Variants in TBCK observed in about 807,000 individuals in gnomAD.
TBCK encodes TBC1 domain containing kinase, also known as TBC domain-containing protein kinase-like protein.
Under a neutral mutation model 113.4 loss-of-function variants are expected in TBCK, and 99 were observed. The observed-to-expected ratio is 0.87, with a 90% CI of 0.74 to 1.03. The LOEUF is 1.03. Ranked by LOEUF, TBCK falls within the 50% of genes least tolerant of loss-of-function variation. The pLI, the probability that TBCK is intolerant of heterozygous loss-of-function variation, is 0.00. For missense variants in TBCK, 1,045 were observed against 1,061.3 expected, an observed-to-expected ratio of 0.98 and a Z score of 0.21; for synonymous variants, 369 against 370.8, an observed-to-expected ratio of 1.00 and a Z score of 0.05.
chr4:106,241,134 A>G (rs1368260407), intron 12 of TBCK, among the ~76,000 whole-genome samples: 1 of 151,898 alleles, frequency 6.6e-6, no homozygotes, highest in Non-Finnish European at 1.5e-5. Flanking sequence ...GGAAAAAATC[A>G]TACTCATACT....
chr4:106,306,280 T>C lies in TBCK; in HGVS notation c.193+2488A>G, dbSNP rs10020925. On this transcript the variant is annotated intron_variant, in intron 2 of 25. Transcript: ENST00000394708. ...TTTTTTTTTTGGTAGAGACAGAATC[T>C]TATTACATTGCCCAAGCTGGTCTCA... is the stretch of plus-strand genomic sequence containing the variant. Among the ~76,000 whole-genome samples the C allele has an allele frequency of 3.3e-3, 489 of 146,014 alleles. 3 individuals are homozygous for C. The highest frequency in any genetic ancestry group is 0.012 in the African/African-American group (463 of 39,580).
chr4:106,051,351 T>C (rs761018994), intron 25 of TBCK, among the ~76,000 whole-genome samples: 2 of 151,850 alleles, frequency 1.3e-5, no homozygotes, highest in Non-Finnish European at 2.9e-5. Context: ...GACTGGACAA[T>C]TGGCATGGAC....
At chr4:106,203,784 A>T (rs1249976709) in intron 20 of TBCK, among the ~76,000 whole-genome samples, 1 of 152,100 alleles carries the variant, frequency 6.6e-6, no homozygotes, top group Non-Finnish European at 1.5e-5. Flanking sequence ...AAAATTTTCA[A>T]ACATAATTCA....
intron 20 of TBCK, among the ~76,000 whole-genome samples, chr4:106,209,029 G>C (rs1055469785): frequency 9.2e-5 from 14 of 152,288 alleles, no homozygotes; most frequent in African/African-American, 2.9e-4. Flanking sequence ...TACCTAGTGG[G>C]GCAAGCCCAG....
chr4:106,122,752 T>C (rs1479396885), intron 23 of TBCK, among the ~76,000 whole-genome samples: 5 of 152,104 alleles, frequency 3.3e-5, no homozygotes, highest in Admixed American at 6.5e-5. Flanking sequence ...ATCCAGCATA[T>C]AAACAGAGCC....
intron 25 of TBCK, among the ~76,000 whole-genome samples, chr4:106,055,973 G>A (rs1735336342): frequency 6.6e-6 from 1 of 150,788 alleles, no homozygotes; most frequent in Admixed American, 6.6e-5. Context: ...TGATAATTAT[G>A]GAAAATGAAG....
intron 25 of TBCK, among the ~76,000 whole-genome samples, chr4:106,048,523 T>G (rs1377623804): frequency 6.6e-6 from 1 of 152,100 alleles, no homozygotes. Flanking sequence ...CCCCAGTCCT[T>G]AAGAAAGCAA....
rs1260458074 is a variant in TBCK at position 106,163,765 on chromosome 4, T to C, written c.2235+7330A>G. ...CCTATTATTCAATTACTCCACCTGG[T>C]CCTGTCCTTGACACATGGGAATTAC... On this transcript the variant is annotated intron_variant, in intron 23 of 25. Transcript: ENST00000394708. 10 of 152,212 alleles carry C rather than the reference T, an allele frequency of 6.6e-5. No individual in the cohort carries two copies. The East Asian group carries it at 1.9e-3, about 30-fold the overall frequency. 9.4% of individuals were successfully genotyped at this position (152,212 alleles called of 1,614,324 possible).
chr4:106,295,044 T>C (rs1344501475), intron 3 of TBCK, 50 bp downstream of exon 3: 5 of 1,491,718 alleles, frequency 3.4e-6, no homozygotes, highest in Non-Finnish European at 3.7e-6. Context: ...AATGCCTTTT[T>C]GTTTGCCAAG....
intron 20 of TBCK, among the ~76,000 whole-genome samples, chr4:106,206,158 T>C (rs559705685): frequency 6.6e-6 from 1 of 152,324 alleles, no homozygotes; most frequent in South Asian, 2.1e-4. Flanking sequence ...CAAAATGTTT[T>C]AGAACTGCTC....
At chr4:106,189,619 A>G (rs1753435380) in intron 22 of TBCK, among the ~76,000 whole-genome samples, 1 of 152,148 alleles carries the variant, frequency 6.6e-6, no homozygotes, top group South Asian at 2.1e-4. Context: ...TGCTTCACTC[A>G]TGATAGATCA....
At position 106,124,460 on chromosome 4, in the gene TBCK, A is replaced by C. The variant is rs112312370; in HGVS notation, c.2236-8082T>G. On this transcript the variant is annotated intron_variant, in intron 23 of 25. Transcript: ENST00000394708. ...CAGTGTGGCGATTCCTCAGGGATCTAGAACTAGAAATACCATTTGACCCAG... is the reference window on the plus strand; with the variant it reads ...CAGTGTGGCGATTCCTCAGGGATCTCGAACTAGAAATACCATTTGACCCAG... Among the ~76,000 whole-genome samples the C allele has an allele frequency of 9.7e-3, 1,472 of 152,320 alleles. 12 individuals are homozygous for C. The highest frequency in any genetic ancestry group is 0.015 in the Admixed American group (224 of 15,304).
chr4:106,260,058 T>C (rs1762359093), intron 5 of TBCK, among the ~76,000 whole-genome samples: 1 of 152,082 alleles, frequency 6.6e-6, no homozygotes, highest in East Asian at 1.9e-4. Context: ...AACATTAAAT[T>C]GAAAATAATG....
At chr4:106,306,178 T>A (rs1429518293) in intron 2 of TBCK, among the ~76,000 whole-genome samples, 1 of 149,528 alleles carries the variant, frequency 6.7e-6, no homozygotes, top group Non-Finnish European at 1.5e-5. Flanking sequence ...CAAATGATCC[T>A]CCTGCCTCAG....
chr4:106,302,281 G>T (rs1477140097), intron 2 of TBCK, among the ~76,000 whole-genome samples: 1 of 152,130 alleles, frequency 6.6e-6, no homozygotes, highest in Non-Finnish European at 1.5e-5. Context: ...CAGGGCTAAC[G>T]GGACTAACCA....
intron 3 of TBCK, among the ~76,000 whole-genome samples, chr4:106,288,099 C>T (rs1412131629): frequency 6.7e-6 from 1 of 150,190 alleles, no homozygotes; most frequent in African/African-American, 2.5e-5. Context: ...ACTCAACAAC[C>T]CTTTCTTAAA....
In TBCK at chr4:106,205,587, CAAAAAAAAAAAA is replaced by C. The variant is rs70941240; in HGVS notation, c.1860+7151_1860+7162del. Among the ~76,000 whole-genome samples the C allele has an allele frequency of 2.8e-4, 18 of 64,212 alleles. No homozygotes were observed. In the South Asian group the frequency reaches 4.5e-3, roughly 16 times the overall value. The allele number at this position is 64,212 out of a possible 152,430, so 42.1% of individuals were successfully genotyped here. A position where few individuals can be genotyped will look rare whatever the true frequency, so the allele number is the denominator to read the frequency against. ...GGTGAAGCCCTCTCCACTAAAAATA[CAAAAAAAAAAAA>C]AAAAAAAAAAAAAAAAATTAGCCAG... On this transcript the variant is annotated intron_variant, in intron 20 of 25. Coordinates refer to ENST00000394708, the MANE Select transcript of TBCK (RefSeq NM_001163435.3).
chr4:106,282,492 T>C (rs562645667), intron 3 of TBCK, among the ~76,000 whole-genome samples: 74 of 152,222 alleles, frequency 4.9e-4, no homozygotes, highest in African/African-American at 1.7e-3. Context: ...ATAAGCATCA[T>C]TATATTCTTT....
chr4:106,212,620 A>G (rs1756280445), intron 20 of TBCK, 130 bp downstream of exon 20: 2 of 621,684 alleles, frequency 3.2e-6, no homozygotes, highest in Non-Finnish European at 5.7e-6. Flanking sequence ...ATACAAGGCT[A>G]CAATTAGTAG....
Sources: gnomAD v4.1 joint callset for allele counts (sites outside exome capture counted in the v4.1 genomes callset) on GRCh38, gnomAD v4.1.1 for gene constraint, MANE v1.5 for transcripts, NCBI Gene and HGNC (gene_info 2026-07-23, HGNC 2026-07-21) for gene names.